The following ATIC variants were observed in gnomAD, a reference collection of about 807,000 sequenced individuals.
The protein encoded by ATIC is bifunctional purine biosynthesis protein ATIC.
In ATIC, 64 loss-of-function variants were observed where a neutral mutation model predicts 72.5. The observed-to-expected ratio is 0.88, with a 90% confidence interval of 0.72 to 1.09. The LOEUF (loss-of-function observed/expected upper bound fraction) is 1.09. Ranked by LOEUF, ATIC falls within the 50% of genes least tolerant of loss-of-function variation. The pLI is 0.00. For synonymous variants in ATIC, 281 were observed against 267.1 expected, an observed-to-expected ratio of 1.05 and a Z score of -0.51; for missense variants, 787 against 732.4, an observed-to-expected ratio of 1.07 and a Z score of -0.86.
At chr2:215,356,403 G>A in the ATIC span, among the ~76,000 whole-genome samples, 1 of 152,130 alleles carries the variant, frequency 6.6e-6, no homozygotes, top group African/African-American at 2.4e-5. Flanking sequence ...TCTTCCTCAT[G>A]AAGGAGCAAA....
intron 14 of ATIC, chr2:215,347,689 C>CTT: frequency 2.3e-6 from 1 of 435,728 alleles, no homozygotes; most frequent in East Asian, 5.6e-5. Context: ...CTTAAGATAT[C>CTT]TTTTTTTTTT....
the ATIC span, among the ~76,000 whole-genome samples, chr2:215,356,711 C>T: frequency 6.6e-6 from 1 of 152,176 alleles, no homozygotes; most frequent in Admixed American, 6.5e-5. Context: ...ATAATATGTG[C>T]TCTTTCGTGT....
At chr2:215,358,968 C>T in the ATIC span, among the ~76,000 whole-genome samples, 10 of 152,186 alleles carry the variant, frequency 6.6e-5, no homozygotes, top group Admixed American at 2.6e-4. Context: ...CTGCAACCTC[C>T]GCCTCCTGGG....
chr2:215,365,817 T>A, the ATIC span: 4 of 287,322 alleles, frequency 1.4e-5, no homozygotes, highest in East Asian at 1.5e-4. Flanking sequence ...TTTTTTTTTT[T>A]TTTTTTGAGA....
intron 6 of ATIC, 77 bp from the exon 7 acceptor site, chr2:215,326,745 C>T (rs768063172): frequency 1.3e-6 from 2 of 1,552,624 alleles, no homozygotes; most frequent in Non-Finnish European, 1.8e-6. Context: ...ATGTTGTTTG[C>T]TGTGGACGTA....
chr2:215,355,263 AT>A, the ATIC span, among the ~76,000 whole-genome samples: 658 of 152,284 alleles, frequency 4.3e-3, 2 homozygotes, highest in Non-Finnish European at 6.4e-3. Flanking sequence ...CCATTAACAT[AT>A]ATATGTCTAG....
intron 13 of ATIC, chr2:215,345,503 C>T (rs1484604990): frequency 6.3e-6 from 1 of 158,032 alleles, no homozygotes; most frequent in Non-Finnish European, 1.4e-5. Context: ...ACACTTCTTT[C>T]CTAGTGTCCC....
intron 9 of ATIC, 86 bp downstream of exon 9, chr2:215,333,543 A>G (rs1575120541): frequency 2.1e-6 from 2 of 973,756 alleles, no homozygotes; most frequent in East Asian, 5.3e-5. Context: ...AGAATAAAGA[A>G]AAAATATATA....
At chr2:215,341,576 T>C (rs889157515) in intron 12 of ATIC, among the ~76,000 whole-genome samples, 4 of 152,178 alleles carry the variant, frequency 2.6e-5, no homozygotes, top group Admixed American at 2.6e-4. Flanking sequence ...TTAAGTGGAT[T>C]TTTGTTAACA....
At chr2:215,321,194 G>T (rs1051474741) in intron 4 of ATIC, among the ~76,000 whole-genome samples, 9 of 152,148 alleles carry the variant, frequency 5.9e-5, no homozygotes, top group Non-Finnish European at 1.3e-4. Flanking sequence ...TGTCTGATTT[G>T]CCTGTAGTGG....
chr2:215,318,281 A>G, intron 3 of ATIC, 48 bp downstream of exon 3: 1 of 1,530,712 alleles, frequency 6.5e-7, no homozygotes. Flanking sequence ...GGTTTCCAGG[A>G]ATATTTTAGT....
chr2:215,324,960 G>C (rs1454241542), intron 4 of ATIC, among the ~76,000 whole-genome samples: 1 of 152,072 alleles, frequency 6.6e-6, no homozygotes, highest in Non-Finnish European at 1.5e-5. Context: ...GGGTAGCTAA[G>C]GTTATGCAAG....
intron 4 of ATIC, among the ~76,000 whole-genome samples, chr2:215,321,768 C>T (rs1261848795): frequency 6.6e-6 from 1 of 152,204 alleles, no homozygotes. Context: ...TGTTTACCTC[C>T]TTTGGAGAAA....
Position 215,315,186 on chromosome 2 carries a change from C to T in ATIC, c.146+2562C>T, listed in dbSNP as rs561654832. Among the ~76,000 whole-genome samples, 413 of 152,286 alleles carry T rather than the reference C, an allele frequency of 2.7e-3. 1 individual carries two copies. The Middle Eastern group carries it at 0.031, about 11-fold the overall frequency. On this transcript the variant is annotated intron_variant, in intron 2 of 15. Transcript: ENST00000236959. ...AGGAGATGAGAGGATTTCTTTACGT[C>T]CAGCTCCTAGACAGAAAGCCAGTGG...
intron 2 of ATIC, among the ~76,000 whole-genome samples, chr2:215,312,968 A>C (rs2052670829): frequency 6.6e-6 from 1 of 152,148 alleles, no homozygotes; most frequent in African/African-American, 2.4e-5. Flanking sequence ...ATGGTGGCAC[A>C]CGCCTGTAAT....
chr2:215,339,515 C>T (rs1488708646), intron 12 of ATIC, among the ~76,000 whole-genome samples: 1 of 152,084 alleles, frequency 6.6e-6, no homozygotes, highest in African/African-American at 2.4e-5. Context: ...GATCCTATCT[C>T]GAAAATAAAT....
chr2:215,353,792 C>T (rs895670815), downstream of ATIC, among the ~76,000 whole-genome samples: 1 of 152,180 alleles, frequency 6.6e-6, no homozygotes, highest in Middle Eastern at 3.4e-3. Context: ...GAACTCCTGA[C>T]CTCAAGTGAT....
intron 4 of ATIC, among the ~76,000 whole-genome samples, chr2:215,323,029 C>T (rs1228546423): frequency 6.6e-6 from 1 of 152,180 alleles, no homozygotes; most frequent in Non-Finnish European, 1.5e-5. Flanking sequence ...ACTGCAAGCT[C>T]TGCCTCCCGG....
At chr2:215,326,179 A>T (rs1171765609) in intron 6 of ATIC, 41 bp downstream of exon 6, 1 of 1,612,632 alleles carries the variant, frequency 6.2e-7, no homozygotes, top group Non-Finnish European at 8.5e-7. Context: ...ACATCCATGG[A>T]GTGCAGTGTT....
Sources: gnomAD v4.1 joint callset for allele counts (sites outside exome capture counted in the v4.1 genomes callset) on GRCh38, gnomAD v4.1.1 for gene constraint, MANE v1.5 for transcripts, NCBI Gene and HGNC (gene_info 2026-07-23, HGNC 2026-07-21) for gene names.